Variants in LRRC4C observed in about 807,000 individuals in gnomAD.
LRRC4C encodes leucine-rich repeat-containing protein 4C.
A neutral mutation model predicts 33.6 loss-of-function variants in LRRC4C; 5 were observed. The ratio of observed to expected loss-of-function variants is 0.15; its 90% CI spans 0.08 to 0.31. LRRC4C has a LOEUF of 0.31. Among genes scored for constraint, LRRC4C ranks in the 10% least tolerant of loss-of-function variants. LRRC4C has a pLI of 1.00. For missense variants in LRRC4C, 560 were observed against 796.7 expected, an observed-to-expected ratio of 0.70 and a Z score of 3.58; for synonymous variants, 329 against 302.0, an observed-to-expected ratio of 1.09 and a Z score of -0.93.
At chr11:40,837,345 G>A (rs1178203899) in intron 2 of LRRC4C, among the ~76,000 whole-genome samples, 1 of 151,980 alleles carries the variant, frequency 6.6e-6, no homozygotes, top group Non-Finnish European at 1.5e-5. Flanking sequence ...ATTGCATAAT[G>A]CTTATTTAGA....
At chr11:41,026,847 G>A (rs1331222273) in intron 1 of LRRC4C, among the ~76,000 whole-genome samples, 8 of 151,426 alleles carry the variant, frequency 5.3e-5, no homozygotes, top group Non-Finnish European at 1.0e-4. Flanking sequence ...CAGACAGAAT[G>A]TTACTGCACA....
intron 1 of LRRC4C, among the ~76,000 whole-genome samples, chr11:41,147,845 T>C (rs1265678765): frequency 6.6e-6 from 1 of 152,026 alleles, no homozygotes; most frequent in East Asian, 1.9e-4. Flanking sequence ...ATCCCAATAC[T>C]TTGGGAGGCT....
At chr11:40,141,368 C>T (rs979886058) in intron 5 of LRRC4C, among the ~76,000 whole-genome samples, 2 of 152,170 alleles carry the variant, frequency 1.3e-5, no homozygotes, top group Non-Finnish European at 2.9e-5. Flanking sequence ...ACACATCTCT[C>T]ATCTCACCCC....
At chr11:40,989,241 T>C (rs1853325160) in intron 1 of LRRC4C, among the ~76,000 whole-genome samples, 1 of 152,210 alleles carries the variant, frequency 6.6e-6, no homozygotes, top group South Asian at 2.1e-4. Flanking sequence ...TATGCATTGC[T>C]CATTAGACAT....
chr11:41,429,506 T>C (rs1268249954), intron 1 of LRRC4C, among the ~76,000 whole-genome samples: 1 of 151,976 alleles, frequency 6.6e-6, no homozygotes, highest in East Asian at 1.9e-4. Context: ...CTACAATAGG[T>C]TTGATGAAGA....
chr11:41,278,634 C>T (rs1233916198), intron 1 of LRRC4C, among the ~76,000 whole-genome samples: 2 of 152,154 alleles, frequency 1.3e-5, no homozygotes, highest in African/African-American at 2.4e-5. Flanking sequence ...GTGGGTTTCA[C>T]GTAGATCTCG....
At chr11:40,798,280 T>C (rs1487296133) in intron 2 of LRRC4C, among the ~76,000 whole-genome samples, 1 of 152,242 alleles carries the variant, frequency 6.6e-6, no homozygotes, top group Non-Finnish European at 1.5e-5. Flanking sequence ...TGAGACCATA[T>C]GCTGTGGGTC....
At chr11:41,104,537 A>G (rs759703211) in intron 1 of LRRC4C, among the ~76,000 whole-genome samples, 37 of 151,930 alleles carry the variant, frequency 2.4e-4, no homozygotes, top group Non-Finnish European at 4.4e-4. Context: ...GTACAATCAC[A>G]TTGGCAAACA....
At chr11:41,413,423 T>C (rs1954564931) in intron 1 of LRRC4C, among the ~76,000 whole-genome samples, 1 of 152,218 alleles carries the variant, frequency 6.6e-6, no homozygotes, top group Admixed American at 6.5e-5. Context: ...TGACACATGA[T>C]AAACACTTGT....
intron 2 of LRRC4C, among the ~76,000 whole-genome samples, chr11:40,754,809 AT>A (rs1033349131): frequency 6.6e-6 from 1 of 151,604 alleles, no homozygotes; most frequent in Admixed American, 6.6e-5. Context: ...TCATGCTCAC[AT>A]TTTTTCCCCA....
chr11:40,607,054 T>C (rs1960690348), intron 3 of LRRC4C, among the ~76,000 whole-genome samples: 1 of 152,200 alleles, frequency 6.6e-6, no homozygotes, highest in African/African-American at 2.4e-5. Flanking sequence ...AGTGGAATTA[T>C]ATATTTAAAG....
intron 3 of LRRC4C, among the ~76,000 whole-genome samples, chr11:40,635,401 G>A (rs1963859998): frequency 6.6e-6 from 1 of 152,110 alleles, no homozygotes; most frequent in African/African-American, 2.4e-5. Flanking sequence ...TCAGGCTTTG[G>A]AGAGCTAGAT....
At chr11:41,045,830 T>C (rs1857740042) in intron 1 of LRRC4C, among the ~76,000 whole-genome samples, 1 of 152,106 alleles carries the variant, frequency 6.6e-6, no homozygotes, top group Non-Finnish European at 1.5e-5. Flanking sequence ...TCTTTTGCCC[T>C]GGGAATAAGG....
chr11:41,190,502 C>T (rs528119087), intron 1 of LRRC4C, among the ~76,000 whole-genome samples: 1 of 152,072 alleles, frequency 6.6e-6, no homozygotes, highest in Non-Finnish European at 1.5e-5. Context: ...GGTGCTCAGC[C>T]TAGGTCGCAG....
At chr11:40,969,504 G>A (rs1011650648) in intron 1 of LRRC4C, among the ~76,000 whole-genome samples, 1 of 150,610 alleles carries the variant, frequency 6.6e-6, no homozygotes, top group African/African-American at 2.4e-5. Flanking sequence ...GTGTCAGTTG[G>A]TGGGGGAAAC....
At chr11:40,713,979 C>T (rs1946589967) in intron 2 of LRRC4C, among the ~76,000 whole-genome samples, 1 of 152,160 alleles carries the variant, frequency 6.6e-6, no homozygotes, top group African/African-American at 2.4e-5. Context: ...ATTCACAATA[C>T]ACATTGAAGC....
intron 1 of LRRC4C, among the ~76,000 whole-genome samples, chr11:41,275,186 A>G (rs4590855): frequency 0.36 from 54,530 of 152,084 alleles, 11,185 homozygotes; most frequent in Non-Finnish European, 0.46. Context: ...CACTGGTGCC[A>G]TGCCTGTGAA....
At chr11:40,756,127 C>G in intron 2 of LRRC4C, among the ~76,000 whole-genome samples, 1 of 152,048 alleles carries the variant, frequency 6.6e-6, no homozygotes, top group East Asian at 1.9e-4. Context: ...AGACCTGGAA[C>G]AGATTCTTCC....
intron 2 of LRRC4C, among the ~76,000 whole-genome samples, chr11:40,666,024 G>A (rs1943789132): frequency 6.6e-6 from 1 of 152,042 alleles, no homozygotes; most frequent in Non-Finnish European, 1.5e-5. Flanking sequence ...ATATAGGTGT[G>A]TGTTCATGTG....
Sources: allele counts gnomAD v4.1 joint callset (sites outside exome capture counted in the v4.1 genomes callset), GRCh38; gene constraint gnomAD v4.1.1; transcripts MANE v1.5; gene names NCBI Gene and HGNC (gene_info 2026-07-23, HGNC 2026-07-21).